The following CASR variants were observed in gnomAD, a reference collection of about 807,000 sequenced individuals.
CASR encodes the protein extracellular calcium-sensing receptor.
In CASR, 23 loss-of-function variants were observed where a neutral mutation model predicts 69.1. That is an observed-to-expected ratio of 0.33 (90% CI 0.24 to 0.47). The LOEUF (loss-of-function observed/expected upper bound fraction) is 0.47, where lower values mean the gene tolerates loss of function less well. Ranked by LOEUF, CASR falls within the 20% of genes least tolerant of loss-of-function variation. CASR has a pLI of 1.00. For missense variants in CASR, 924 were observed against 1,356.1 expected (o/e 0.68, Z 5.00); for synonymous variants, 541 against 544.7 (o/e 0.99, Z 0.10).
intron 2 of CASR, among the ~76,000 whole-genome samples, chr3:122,254,688 G>T (rs1437525036): frequency 2.0e-5 from 3 of 152,166 alleles, no homozygotes; most frequent in Non-Finnish European, 4.4e-5. Flanking sequence ...TAAGTACCTA[G>T]AAGGAAATTT....
intron 1 of CASR, among the ~76,000 whole-genome samples, chr3:122,193,413 C>T (rs953731453): frequency 6.6e-6 from 1 of 152,074 alleles, no homozygotes; most frequent in African/African-American, 2.4e-5. Context: ...GACAGGATTT[C>T]ACCATGTTGG....
chr3:122,213,969 C>G (rs957186205), intron 1 of CASR, among the ~76,000 whole-genome samples: 2 of 152,222 alleles, frequency 1.3e-5, no homozygotes, highest in Non-Finnish European at 2.9e-5. Flanking sequence ...ATATCAGTGT[C>G]TTGTCTGCCC....
At chr3:122,247,146 G>A (rs183020789) in intron 1 of CASR, 26 of 152,182 alleles carry the variant, frequency 1.7e-4, no homozygotes, top group African/African-American at 4.3e-4. Context: ...CATGTTTCAC[G>A]GCATCATGAA....
chr3:122,254,945 C>G (rs1390055880), intron 2 of CASR, among the ~76,000 whole-genome samples: 1 of 151,476 alleles, frequency 6.6e-6, no homozygotes, highest in Non-Finnish European at 1.5e-5. Flanking sequence ...AGGTTATCCC[C>G]CCTTGCCACC....
intron 4 of CASR, among the ~76,000 whole-genome samples, chr3:122,267,090 A>C (rs1162271549): frequency 6.6e-6 from 1 of 152,178 alleles, no homozygotes; most frequent in Non-Finnish European, 1.5e-5. Context: ...TTTTTTGTGG[A>C]TCAATCATTA....
chr3:122,219,100 T>C lies in CASR; in HGVS notation c.-242-34848T>C, dbSNP rs115697668. 1.0e-2 allele frequency among the ~76,000 whole-genome samples: 1,519 copies of C among 152,296 alleles called. 12 individuals are homozygous for C. Among genetic ancestry groups the C allele is most frequent in the Middle Eastern group, 0.024 (7 of 294 alleles). Reference sequence around the variant, plus strand: ...GGGGTGGTAGGTCATTTGTAGGTCATACTGAAGATTTTGGATTTTTTTAAA... The same window carrying C: ...GGGGTGGTAGGTCATTTGTAGGTCACACTGAAGATTTTGGATTTTTTTAAA... On this transcript the variant is annotated intron_variant, in intron 1 of 6. Coordinates refer to ENST00000639785, the MANE Select transcript of CASR (RefSeq NM_000388.4).
At position 122,283,962 on chromosome 3, in the gene CASR, G is replaced by T. The variant is rs2074927550; in HGVS notation, c.2008G>T (p.Gly670Trp). 1 of 1,613,218 alleles carries T rather than the reference G, an allele frequency of 6.2e-7. No individual in the cohort carries two copies. The highest frequency in any genetic ancestry group is 8.5e-7 in the Non-Finnish European group (1 of 1,179,824). Residue 670 changes from glycine (G) to tryptophan (W), a missense_variant, in exon 7 of 7, where the codon GGG (glycine) becomes TGG (tryptophan). Gly to Trp is a radical substitution (Grantham distance 184). Transcript: ENST00000639785. ...CCFSSSLFFI[G>W]EPQDWTCRLR... ...CTTCTCCAGCTCCCTGTTCTTCATC[G>T]GGGAGCCCCAGGACTGGACGTGCCG... is the stretch of plus-strand genomic sequence containing the variant.
intron 1 of CASR, among the ~76,000 whole-genome samples, chr3:122,215,235 A>G (rs568853664): frequency 9.8e-5 from 15 of 152,322 alleles, no homozygotes; most frequent in Admixed American, 3.3e-4. Context: ...ATTTTAAACC[A>G]TCATGCTGGT....
intron 4 of CASR, among the ~76,000 whole-genome samples, chr3:122,272,407 G>A (rs1323138066): frequency 6.6e-6 from 1 of 151,642 alleles, no homozygotes; most frequent in Non-Finnish European, 1.5e-5. Context: ...CTCTTTACTG[G>A]CCCCATAACA....
chr3:122,277,915 T>A (rs773113268), intron 5 of CASR, among the ~76,000 whole-genome samples: 20 of 152,212 alleles, frequency 1.3e-4, no homozygotes, highest in Non-Finnish European at 2.5e-4. Flanking sequence ...GTCACTTATG[T>A]TCTTGGAATA....
At position 122,255,811 on chromosome 3, in the gene CASR, G is replaced by A. The variant is rs1375026773; in HGVS notation, c.186-1270G>A. Among the ~76,000 whole-genome samples the A allele has an allele frequency of 2.0e-5, 3 of 152,274 alleles. No individual in the cohort carries two copies. The East Asian group carries it at 5.8e-4, about 29-fold the overall frequency. On this transcript the variant is annotated intron_variant, in intron 2 of 6. Transcript: ENST00000639785. ...CATCACATTAAAAGTTAGACCAAGA[G>A]CTTAGGGAACCTAACAATACAATGG...
intron 1 of CASR, among the ~76,000 whole-genome samples, chr3:122,228,054 G>A (rs766210512): frequency 1.3e-5 from 2 of 152,192 alleles, no homozygotes; most frequent in Non-Finnish European, 2.9e-5. Flanking sequence ...GATTCGAATG[G>A]TCCAGTGGAA....
intron 1 of CASR, among the ~76,000 whole-genome samples, chr3:122,215,953 T>C (rs766084207): frequency 9.2e-5 from 14 of 152,334 alleles, no homozygotes; most frequent in South Asian, 2.1e-4. Context: ...TTGAGGGCTG[T>C]GGACCTCAGT....
chr3:122,252,414 A>AAAGAAAGAAAGAAAGAAAGAAAGAAAGC, intron 1 of CASR, among the ~76,000 whole-genome samples: 1 of 43,486 alleles, frequency 2.3e-5, no homozygotes, highest in South Asian at 6.9e-4. Context: ...AAGGAAAAAG[A>AAAGAAAGAAAGAAAGAAAGAAAGAAAGC]AAGAAAGAAA....
chr3:122,230,183 G>A (rs1328516838), intron 1 of CASR, among the ~76,000 whole-genome samples: 1 of 152,214 alleles, frequency 6.6e-6, no homozygotes, highest in African/African-American at 2.4e-5. Flanking sequence ...ACATTGGGAC[G>A]AGATCCTGCA....
At chr3:122,206,763 G>A (rs1026252147) in intron 1 of CASR, among the ~76,000 whole-genome samples, 1 of 151,940 alleles carries the variant, frequency 6.6e-6, no homozygotes, top group African/African-American at 2.4e-5. Context: ...CTCAATATTG[G>A]TTTATTGAGG....
At chr3:122,270,973 G>A (rs892930693) in intron 4 of CASR, among the ~76,000 whole-genome samples, 5 of 151,966 alleles carry the variant, frequency 3.3e-5, no homozygotes, top group African/African-American at 1.2e-4. Flanking sequence ...TCTGTTGTTG[G>A]GATGACTGTT....
At chr3:122,266,336 G>C (rs2074693964) in intron 4 of CASR, among the ~76,000 whole-genome samples, 1 of 151,832 alleles carries the variant, frequency 6.6e-6, no homozygotes, top group Non-Finnish European at 1.5e-5. Flanking sequence ...CCCTCTTTTA[G>C]ATCTATGTGT....
chr3:122,214,425 C>T (rs983182293), intron 1 of CASR, among the ~76,000 whole-genome samples: 7 of 152,130 alleles, frequency 4.6e-5, no homozygotes, highest in Non-Finnish European at 1.0e-4. Flanking sequence ...TGAACTAACT[C>T]TATGCAGACT....
Sources: gnomAD v4.1 joint callset for allele counts (sites outside exome capture counted in the v4.1 genomes callset) on GRCh38, gnomAD v4.1.1 for gene constraint, MANE v1.5 for transcripts, NCBI Gene and HGNC (gene_info 2026-07-23, HGNC 2026-07-21) for gene names.